Variants in CDKL5 observed in about 807,000 individuals in gnomAD.
The protein encoded by CDKL5 is cyclin-dependent kinase-like 5.
A neutral mutation model predicts 61.7 loss-of-function variants in CDKL5; 8 were observed. The observed-to-expected ratio is 0.13, with a 90% CI of 0.08 to 0.23. CDKL5 has a LOEUF of 0.23. CDKL5 is among the 10% of genes least tolerant of loss of function. CDKL5 has a pLI of 1.00. For missense variants in CDKL5, 440 were observed against 734.5 expected (o/e 0.60, Z 4.63); for synonymous variants, 275 against 272.3 (o/e 1.01, Z -0.10).
At position 18,622,443 on chromosome X, in the gene CDKL5, G is replaced by A. The variant is rs146554152; in HGVS notation, c.2376+2477G>A. 6.8e-3 allele frequency among the ~76,000 whole-genome samples: 763 copies of A among 112,029 alleles called. 2 individuals carry two copies. The highest frequency in any genetic ancestry group is 0.014 in the Middle Eastern group (3 of 218). ...TCAGTACAGCCTTCCAAACCTCAGA[G>A]TCCTACGCCTGACATTGGGTTAACT... On this transcript the variant is annotated intron_variant, in intron 16 of 17. Transcript: ENST00000623535.
rs1195931109 is a variant in CDKL5, at chrX:18,518,385, C to CTTTTTTTTTTTTTTTT, written c.99+7533_99+7534insTTTTTTTTTTTTTTTT. ...ATAAAGTCATGTTTTCTTTTCTTTT[C>CTTTTTTTTTTTTTTTT]TTATTTTTTTTTTTTTTTTTTTTTT... On this transcript the variant is annotated intron_variant, in intron 3 of 17. Coordinates refer to ENST00000623535, the MANE Select transcript of CDKL5 (RefSeq NM_001323289.2). 5.3e-4 allele frequency among the ~76,000 whole-genome samples: 12 copies of CTTTTTTTTTTTTTTTT among 22,792 alleles called. 1 individual carries two copies. Among genetic ancestry groups the CTTTTTTTTTTTTTTTT allele is most frequent in the African/African-American group, 1.8e-3 (12 of 6,575 alleles). 19.8% of individuals were successfully genotyped at this position (22,792 alleles called of 115,157 possible). A position where few individuals can be genotyped will look rare whatever the true frequency, so the allele number is the denominator to read the frequency against.
intron 16 of CDKL5, 53 bp downstream of exon 16, chrX:18,620,019 T>G: frequency 1.3e-6 from 1 of 760,674 alleles, no homozygotes; most frequent in South Asian, 2.3e-5. Context: ...CATTATTCAA[T>G]GGATACTTTA....
At chrX:18,584,019 G>A (rs1285880153) in intron 7 of CDKL5, among the ~76,000 whole-genome samples, 2 of 111,581 alleles carry the variant, frequency 1.8e-5, no homozygotes, top group African/African-American at 6.5e-5. Context: ...TCGAAAACCC[G>A]GTTTTCTTTA....
intron 1 of CDKL5, among the ~76,000 whole-genome samples, chrX:18,458,252 A>G (rs1191586213): frequency 9.1e-6 from 1 of 109,762 alleles, no homozygotes; most frequent in Non-Finnish European, 1.9e-5. Context: ...CCCCTTCAAG[A>G]GCTGTTAAAG....
chrX:18,495,425 A>C (rs1164774467), intron 1 of CDKL5, among the ~76,000 whole-genome samples: 1 of 112,362 alleles, frequency 8.9e-6, no homozygotes, highest in Non-Finnish European at 1.9e-5. Flanking sequence ...TTAATTTTAC[A>C]TGTATTTTCT....
intron 3 of CDKL5, among the ~76,000 whole-genome samples, chrX:18,562,997 G>A (rs971771643): frequency 2.7e-5 from 3 of 112,146 alleles, no homozygotes; most frequent in African/African-American, 6.5e-5. Flanking sequence ...TTTGAACTGA[G>A]TAAGATCTTT....
chrX:18,449,919 C>T (rs745478185), intron 1 of CDKL5, among the ~76,000 whole-genome samples: 1 of 111,178 alleles, frequency 9.0e-6, no homozygotes, highest in Non-Finnish European at 1.9e-5. Context: ...CTCGGCCTTC[C>T]GAGTAGCTGG....
At chrX:18,465,668 C>CAAAT (rs781062425) in intron 1 of CDKL5, among the ~76,000 whole-genome samples, 58 of 110,521 alleles carry the variant, frequency 5.2e-4, no homozygotes, top group African/African-American at 1.2e-3. Context: ...GACTCTGTCT[C>CAAAT]AAATAAATAA....
downstream of CDKL5, chrX:18,641,661 A>G (rs1479564549): frequency 4.3e-6 from 1 of 234,944 alleles, no homozygotes; most frequent in African/African-American, 2.8e-5. Flanking sequence ...TCAAATTATC[A>G]GGGCTGCTTT....
At chrX:18,521,286 T>C (rs1281277096) in intron 3 of CDKL5, among the ~76,000 whole-genome samples, 1 of 112,439 alleles carries the variant, frequency 8.9e-6, no homozygotes, top group East Asian at 2.8e-4. Flanking sequence ...TTATCAGATA[T>C]ATGGCTTGCA....
chrX:18,470,170 C>T (rs1363896108), intron 1 of CDKL5, among the ~76,000 whole-genome samples: 2 of 109,305 alleles, frequency 1.8e-5, no homozygotes, highest in African/African-American at 6.6e-5. Context: ...AATCCTGTCT[C>T]TACTAAAATA....
intron 1 of CDKL5, among the ~76,000 whole-genome samples, chrX:18,490,735 T>G (rs1416050061): frequency 8.9e-6 from 1 of 112,120 alleles, no homozygotes; most frequent in Non-Finnish European, 1.9e-5. Flanking sequence ...TTAATGGTCT[T>G]GATGAAATTG....
At chrX:18,462,140 G>A (rs185523912) in intron 1 of CDKL5, among the ~76,000 whole-genome samples, 3 of 102,687 alleles carry the variant, frequency 2.9e-5, no homozygotes, top group Non-Finnish European at 5.9e-5. Context: ...TATTTCCTGT[G>A]TGGCCCAAGA....
At chrX:18,573,513 C>T (rs954087026) in intron 4 of CDKL5, among the ~76,000 whole-genome samples, 3 of 112,244 alleles carry the variant, frequency 2.7e-5, no homozygotes, top group African/African-American at 9.7e-5. Flanking sequence ...TGTCCCCTCC[C>T]AATGCTCTAA....
chrX:18,490,549 C>A (rs1216801986), intron 1 of CDKL5, among the ~76,000 whole-genome samples: 1 of 111,170 alleles, frequency 9.0e-6, no homozygotes, highest in African/African-American at 3.3e-5. Context: ...GACTGCTGAG[C>A]TCATCATTAA....
intron 15 of CDKL5, among the ~76,000 whole-genome samples, chrX:18,616,581 C>T (rs923941301): frequency 1.9e-5 from 2 of 107,698 alleles, no homozygotes; most frequent in African/African-American, 6.8e-5. Context: ...GCCGACATTA[C>T]GCCATTGCAC....
At chrX:18,626,066 G>GTTT (rs754432238) in intron 17 of CDKL5, among the ~76,000 whole-genome samples, 1 of 89,085 alleles carries the variant, frequency 1.1e-5, no homozygotes. Context: ...GCGGACTACT[G>GTTT]TTTTTTTTTT....
At chrX:18,502,815 C>T (rs1482634649) in intron 1 of CDKL5, among the ~76,000 whole-genome samples, 1 of 112,041 alleles carries the variant, frequency 8.9e-6, no homozygotes, top group Non-Finnish European at 1.9e-5. Context: ...CCCTCAAAGC[C>T]TAGTGCTCTT....
chrX:18,639,480 G>A lies in CDKL5; in HGVS notation c.*10723G>A, dbSNP rs912169874. ...GTTGAGATGCAACTTCACACATTAT[G>A]GGTATAGTCAAAGATGGACAGTAAC... On this transcript the variant is annotated 3_prime_UTR_variant, in exon 18 of 18. Transcript: ENST00000623535. Among the ~76,000 whole-genome samples the A allele has an allele frequency of 8.9e-6, 1 of 112,214 alleles. No individual in the cohort carries two copies. The highest frequency in any genetic ancestry group is 3.2e-5 in the African/African-American group (1 of 30,860).
Sources: gnomAD v4.1 joint callset for allele counts (sites outside exome capture counted in the v4.1 genomes callset) on GRCh38, gnomAD v4.1.1 for gene constraint, MANE v1.5 for transcripts, NCBI Gene and HGNC (gene_info 2026-07-23, HGNC 2026-07-21) for gene names.